Variants in COL19A1 observed in about 807,000 individuals in gnomAD.
The protein encoded by COL19A1 is collagen alpha-1(XIX) chain.
Under a neutral mutation model 190.2 loss-of-function variants are expected in COL19A1, and 159 were observed. The ratio of observed to expected loss-of-function variants is 0.84; its 90% CI spans 0.73 to 0.95. The LOEUF is 0.95. Among genes scored for constraint, COL19A1 ranks in the 40% least tolerant of loss-of-function variants. The pLI is 0.00. For synonymous variants in COL19A1, 509 were observed against 458.9 expected (o/e 1.11, Z -1.39); for missense variants, 1,418 against 1,431.9 (o/e 0.99, Z 0.16).
chr6:70,132,357 C>T (rs1785575577), intron 18 of COL19A1, among the ~76,000 whole-genome samples: 1 of 152,140 alleles, frequency 6.6e-6, no homozygotes, highest in South Asian at 2.1e-4. Context: ...TATAATCACA[C>T]CACTGCACCC....
chr6:70,170,473 A>G (rs1044234599), intron 40 of COL19A1, among the ~76,000 whole-genome samples: 1 of 152,130 alleles, frequency 6.6e-6, no homozygotes, highest in South Asian at 2.1e-4. Flanking sequence ...CCTTAATTGA[A>G]TTTATTATCT....
At chr6:70,191,859 A>G (rs185439488) in intron 48 of COL19A1, among the ~76,000 whole-genome samples, 15 of 152,238 alleles carry the variant, frequency 9.9e-5, no homozygotes, top group African/African-American at 3.6e-4. Context: ...TCTTGACTCC[A>G]TTGCTTCAAA....
chr6:70,038,514 C>T (rs182286802), intron 14 of COL19A1, among the ~76,000 whole-genome samples: 11 of 152,234 alleles, frequency 7.2e-5, no homozygotes, highest in African/African-American at 2.2e-4. Flanking sequence ...TATCTCTTTC[C>T]GTTAGGGAGG....
At chr6:70,065,423 G>A (rs1781117104) in intron 14 of COL19A1, among the ~76,000 whole-genome samples, 1 of 152,206 alleles carries the variant, frequency 6.6e-6, no homozygotes, top group Admixed American at 6.5e-5. Context: ...AGCTGAAACT[G>A]GGTCCCTTCC....
At chr6:70,204,254 G>A (rs1176814084) in intron 49 of COL19A1, among the ~76,000 whole-genome samples, 1 of 152,160 alleles carries the variant, frequency 6.6e-6, no homozygotes, top group Non-Finnish European at 1.5e-5. Flanking sequence ...CTGAAGAGGT[G>A]AAAAGCTTAA....
chr6:70,017,396 G>A (rs36125450), intron 11 of COL19A1, among the ~76,000 whole-genome samples: 1 of 152,112 alleles, frequency 6.6e-6, no homozygotes, highest in Non-Finnish European at 1.5e-5. Context: ...TTTAGTCTTA[G>A]GTTGTGGTGA....
chr6:70,207,126 ATT>A lies in COL19A1; in HGVS notation c.3302-12_3302-11del, dbSNP rs3215860. ...AGGGCCATATGTGATCTGCATTGTA[ATT>A]TTTTTTTTATGTCGTTAGCTCTGGG... is the stretch of plus-strand genomic sequence containing the variant. On this transcript the variant is annotated intron_variant, in intron 50 of 50. Transcript: ENST00000620364. The A allele has an allele frequency of 1.0e-5, 16 of 1,564,620 alleles. No individual in the cohort carries two copies. Among genetic ancestry groups the A allele is most frequent in the African/African-American group, 6.8e-5 (5 of 73,234 alleles).
intron 12 of COL19A1, among the ~76,000 whole-genome samples, chr6:70,031,205 G>A (rs534658183): frequency 3.3e-5 from 5 of 150,786 alleles, no homozygotes; most frequent in Non-Finnish European, 7.4e-5. Context: ...TTTTCCCTCT[G>A]CCCCCACACA....
At chr6:70,179,514 T>G (rs1481439317) in intron 42 of COL19A1, among the ~76,000 whole-genome samples, 4 of 152,190 alleles carry the variant, frequency 2.6e-5, no homozygotes, top group African/African-American at 9.7e-5. Context: ...TGACACAAAC[T>G]TATCTGTTTC....
intron 2 of COL19A1, among the ~76,000 whole-genome samples, chr6:69,891,729 A>T (rs1185571217): frequency 6.6e-6 from 1 of 152,174 alleles, no homozygotes; most frequent in East Asian, 1.9e-4. Context: ...CCAAACTGTC[A>T]GTAGCTTTGG....
chr6:69,879,613 T>C lies in COL19A1; in HGVS notation c.46T>C (p.Phe16Leu). 6.2e-7 allele frequency: 1 copy of C among 1,614,176 alleles called. No individual in the cohort carries two copies. The highest frequency in any genetic ancestry group is 1.1e-5 in the South Asian group (1 of 91,080). ...GAAACTTTGGCTTTGGATGTCAATA[T>C]TTCTGCTTCCTGCTTCCACTTCCGT... ...PWKLWLWMSIFLLPASTSVTV... is the reference protein window; with the variant it reads ...PWKLWLWMSILLLPASTSVTV... The change falls in exon 2 of 51, where the codon TTT (phenylalanine) becomes CTT (leucine). Residue 16 changes from phenylalanine to leucine, a missense_variant. By Grantham distance (22) the Phe-to-Leu change is conservative (BLOSUM62 0). Transcript: ENST00000620364.
At chr6:70,140,001 A>G (rs1354833361) in intron 19 of COL19A1, among the ~76,000 whole-genome samples, 1 of 151,928 alleles carries the variant, frequency 6.6e-6, no homozygotes, top group African/African-American at 2.4e-5. Context: ...TAAATAAGCA[A>G]TGACATGAGC....
intron 16 of COL19A1, among the ~76,000 whole-genome samples, chr6:70,116,364 A>C (rs995656719): frequency 9.2e-5 from 14 of 152,228 alleles, no homozygotes; most frequent in African/African-American, 3.4e-4. Flanking sequence ...CGAATTCAAC[A>C]AACATTGGGT....
chr6:69,962,057 C>T (rs1774831192), intron 10 of COL19A1, among the ~76,000 whole-genome samples: 1 of 152,188 alleles, frequency 6.6e-6, no homozygotes, highest in African/African-American at 2.4e-5. Context: ...GAGAGATGCA[C>T]ATGACCTGTT....
chr6:70,046,191 A>G (rs942797002), intron 14 of COL19A1, among the ~76,000 whole-genome samples: 3 of 152,120 alleles, frequency 2.0e-5, no homozygotes, highest in African/African-American at 7.2e-5. Flanking sequence ...AATCTGACCA[A>G]TTCTCACACC....
intron 31 of COL19A1, among the ~76,000 whole-genome samples, chr6:70,154,636 C>G (rs1398948899): frequency 6.6e-6 from 1 of 152,134 alleles, no homozygotes; most frequent in Non-Finnish European, 1.5e-5. Flanking sequence ...TGACAATAGG[C>G]TGTCTGCAAG....
At chr6:69,900,933 A>G (rs1413042863) in intron 4 of COL19A1, among the ~76,000 whole-genome samples, 2 of 152,134 alleles carry the variant, frequency 1.3e-5, no homozygotes, top group South Asian at 2.1e-4. Flanking sequence ...AAAAAAAATC[A>G]CTTTCCATTC....
chr6:70,056,027 G>A (rs1335418338), intron 14 of COL19A1, among the ~76,000 whole-genome samples: 1 of 151,942 alleles, frequency 6.6e-6, no homozygotes, highest in Non-Finnish European at 1.5e-5. Context: ...GTTGTAGGGA[G>A]CTTTCTAAGC....
chr6:70,081,724 A>G (rs1353200296), intron 15 of COL19A1, among the ~76,000 whole-genome samples: 1 of 152,172 alleles, frequency 6.6e-6, no homozygotes, highest in Admixed American at 6.5e-5. Flanking sequence ...CTGAGGTATG[A>G]TGGTTATTGA....
Sources: gnomAD v4.1 joint callset for allele counts (sites outside exome capture counted in the v4.1 genomes callset) on GRCh38, gnomAD v4.1.1 for gene constraint, MANE v1.5 for transcripts, NCBI Gene and HGNC (gene_info 2026-07-23, HGNC 2026-07-21) for gene names.